HS3ST4: variants seen among roughly 807,000 people sequenced by gnomAD.
HS3ST4 encodes heparan sulfate glucosamine 3-O-sulfotransferase 4.
HS3ST4 carries 17 observed loss-of-function variants against 29.2 expected under a neutral mutation model. The observed-to-expected ratio is 0.58, with a 90% CI of 0.40 to 0.87. HS3ST4 has a LOEUF of 0.87. HS3ST4 is among the 40% of genes least tolerant of loss of function. The probability of loss-of-function intolerance (pLI) is 0.00; values close to 1 mark genes in which losing one functional copy is unlikely to be tolerated. For synonymous variants in HS3ST4, 314 were observed against 285.7 expected (o/e 1.10, Z -1.00); for missense variants, 627 against 634.5 (o/e 0.99, Z 0.13).
intron 1 of HS3ST4, among the ~76,000 whole-genome samples, chr16:25,725,586 A>G (rs1272731357): frequency 6.6e-6 from 1 of 152,018 alleles, no homozygotes; most frequent in African/African-American, 2.4e-5. Flanking sequence ...TTAAATATAT[A>G]TGCACATATA....
intron 1 of HS3ST4, among the ~76,000 whole-genome samples, chr16:25,993,949 C>CGTGTGT (rs56226178): frequency 1.8e-3 from 221 of 121,308 alleles, no homozygotes; most frequent in Admixed American, 4.3e-3. Context: ...CACATAACCT[C>CGTGTGT]GTGTGTGTGT....
Position 25,830,711 on chromosome 16 carries a change from A to G in HS3ST4, c.734+137560A>G, listed in dbSNP as rs139551324. 1.7e-3 allele frequency among the ~76,000 whole-genome samples: 252 copies of G among 149,690 alleles called. 6 individuals carry two copies. In the East Asian group the frequency reaches 0.039, roughly 23 times the overall value. ...TCTTTCCATTCATTCCCCACCTTCAATCCATGTCTTTTTTTTTTTTTAGCT... is the reference window on the plus strand; with the variant it reads ...TCTTTCCATTCATTCCCCACCTTCAGTCCATGTCTTTTTTTTTTTTTAGCT... On this transcript the variant is annotated intron_variant, in intron 1 of 1. Transcript: ENST00000331351.
chr16:25,724,780 G>T (rs2141591047), intron 1 of HS3ST4, among the ~76,000 whole-genome samples: 1 of 152,266 alleles, frequency 6.6e-6, no homozygotes, highest in Non-Finnish European at 1.5e-5. Context: ...CAGGTCACTG[G>T]CAACTTCGTT....
intron 1 of HS3ST4, among the ~76,000 whole-genome samples, chr16:26,096,088 T>C (rs1487336398): frequency 6.6e-6 from 1 of 150,808 alleles, no homozygotes; most frequent in Non-Finnish European, 1.5e-5. Flanking sequence ...ATCTCTGAAA[T>C]TGAGGCAATA....
At chr16:26,130,195 C>T (rs546792319) in intron 1 of HS3ST4, among the ~76,000 whole-genome samples, 4 of 152,274 alleles carry the variant, frequency 2.6e-5, no homozygotes, top group East Asian at 1.9e-4. Flanking sequence ...TGTGTGTTGA[C>T]GCTGATGTCA....
Position 25,765,502 on chromosome 16 carries a change from C to T in HS3ST4, c.734+72351C>T, listed in dbSNP as rs141495715. 3.4e-3 allele frequency among the ~76,000 whole-genome samples: 518 copies of T among 152,258 alleles called. 4 individuals are homozygous for T. Among genetic ancestry groups the T allele is most frequent in the African/African-American group, 0.011 (475 of 41,554 alleles). ...TCAGATCCAAAGGCAGGAGGGGCTACCATTGCATTGGTCAGAGAGATTCAG... is the reference window on the plus strand; with the variant it reads ...TCAGATCCAAAGGCAGGAGGGGCTATCATTGCATTGGTCAGAGAGATTCAG... On this transcript the variant is annotated intron_variant, in intron 1 of 1. Coordinates refer to ENST00000331351, the MANE Select transcript of HS3ST4 (RefSeq NM_006040.3).
chr16:26,024,917 A>G (rs1969452003), intron 1 of HS3ST4, among the ~76,000 whole-genome samples: 1 of 152,222 alleles, frequency 6.6e-6, no homozygotes, highest in South Asian at 2.1e-4. Flanking sequence ...GTGACCTGCT[A>G]ACAGTTGCAT....
chr16:26,126,401 T>C (rs1899343754), intron 1 of HS3ST4, among the ~76,000 whole-genome samples: 1 of 152,236 alleles, frequency 6.6e-6, no homozygotes, highest in Admixed American at 6.5e-5. Context: ...ATAGCGCTTA[T>C]GATGTTTTAG....
chr16:25,846,346 C>T (rs909876298), intron 1 of HS3ST4, among the ~76,000 whole-genome samples: 5 of 151,974 alleles, frequency 3.3e-5, no homozygotes, highest in Non-Finnish European at 7.4e-5. Context: ...GTAACCTGGG[C>T]GACACAGTAA....
At chr16:25,940,337 C>T (rs1426909889) in intron 1 of HS3ST4, among the ~76,000 whole-genome samples, 5 of 151,948 alleles carry the variant, frequency 3.3e-5, no homozygotes, top group African/African-American at 1.2e-4. Flanking sequence ...ATAAGGCATG[C>T]TAGGGTTAGG....
chr16:26,035,755 T>C (rs529269534), intron 1 of HS3ST4, among the ~76,000 whole-genome samples: 7 of 152,304 alleles, frequency 4.6e-5, no homozygotes, highest in Admixed American at 1.3e-4. Flanking sequence ...AGAGGAATGT[T>C]TTCCAAATGC....
Position 25,693,017 on chromosome 16 carries a change from G to T in HS3ST4, c.600G>T (p.Ala200=). 1 of 1,611,430 alleles carries T rather than the reference G, an allele frequency of 6.2e-7. No individual in the cohort carries two copies. Among genetic ancestry groups the T allele is most frequent in the Non-Finnish European group, 8.5e-7 (1 of 1,179,164 alleles). The stretch of plus-strand genomic sequence containing the variant: ...ATGGGGAGAAGAAGCTGCCACAGGC[G>T]CTCATCATCGGGGTCAAGAAAGGAG... ...PDYGEKKLPQ[A]LIIGVKKGGT... Residue 200 remains alanine, a synonymous_variant, in exon 1 of 2, where the codon GCG becomes GCT. Coordinates refer to ENST00000331351, the MANE Select transcript of HS3ST4 (RefSeq NM_006040.3).
intron 1 of HS3ST4, among the ~76,000 whole-genome samples, chr16:25,996,894 T>C (rs548221131): frequency 4.7e-4 from 71 of 152,334 alleles, no homozygotes; most frequent in Admixed American, 8.5e-4. Flanking sequence ...CTTCCATTTA[T>C]TGATATCTTG....
chr16:26,027,420 C>T (rs1408982499), intron 1 of HS3ST4, among the ~76,000 whole-genome samples: 8 of 152,188 alleles, frequency 5.3e-5, no homozygotes, highest in East Asian at 1.9e-4. Context: ...TCCCCCAGCC[C>T]GAGTTCCTAT....
chr16:25,945,115 C>G (rs1013806312), intron 1 of HS3ST4, among the ~76,000 whole-genome samples: 23 of 152,148 alleles, frequency 1.5e-4, no homozygotes, highest in African/African-American at 5.6e-4. Flanking sequence ...CTGCTGTTAA[C>G]CATTTATAGT....
chr16:26,061,195 G>C (rs1429047526), intron 1 of HS3ST4, among the ~76,000 whole-genome samples: 1 of 152,102 alleles, frequency 6.6e-6, no homozygotes, highest in Non-Finnish European at 1.5e-5. Flanking sequence ...TTTTTTCTCA[G>C]TCTAATTAAA....
chr16:25,835,479 G>A (rs1967347174), intron 1 of HS3ST4, among the ~76,000 whole-genome samples: 1 of 126,956 alleles, frequency 7.9e-6, no homozygotes, highest in South Asian at 3.4e-4. Context: ...TTATTCCTCA[G>A]TTGACAGATG....
intron 1 of HS3ST4, among the ~76,000 whole-genome samples, chr16:25,958,031 C>T (rs1968754704): frequency 6.6e-6 from 1 of 152,132 alleles, no homozygotes; most frequent in South Asian, 2.1e-4. Flanking sequence ...GAAGCTTGCT[C>T]AAGGTCACTG....
At chr16:25,802,927 ATGTG>A (rs71158967) in intron 1 of HS3ST4, among the ~76,000 whole-genome samples, 1,205 of 101,982 alleles carry the variant, frequency 0.012, 10 homozygotes, top group Middle Eastern at 0.036. Context: ...TAAGTTATAT[ATGTG>A]TGTGTGTGTG....
Sources: gnomAD v4.1 joint callset for allele counts (sites outside exome capture counted in the v4.1 genomes callset) on GRCh38, gnomAD v4.1.1 for gene constraint, MANE v1.5 for transcripts, NCBI Gene and HGNC (gene_info 2026-07-23, HGNC 2026-07-21) for gene names.